Variants in NME7 observed in about 807,000 individuals in gnomAD.
NME7 encodes NME/NM23 family member 7.
In NME7, 41 loss-of-function variants were observed where a neutral mutation model predicts 49.1. The observed-to-expected ratio is 0.83, with a 90% confidence interval of 0.65 to 1.08. The LOEUF is 1.08. NME7 is among the 50% of genes least tolerant of loss of function. NME7 has a pLI of 0.00. For missense variants in NME7, 423 were observed against 463.4 expected (o/e 0.91, Z 0.80); for synonymous variants, 139 against 150.6 (o/e 0.92, Z 0.56).
intron 7 of NME7, among the ~76,000 whole-genome samples, chr1:169,279,175 G>C (rs2101885523): frequency 6.6e-6 from 1 of 152,300 alleles, no homozygotes; most frequent in East Asian, 1.9e-4. Flanking sequence ...CCCGTTCTCA[G>C]ATCTCCCCCT....
chr1:169,154,041 A>G (rs1658992375), intron 11 of NME7, among the ~76,000 whole-genome samples: 1 of 151,732 alleles, frequency 6.6e-6, no homozygotes. Flanking sequence ...TTGAAACAGA[A>G]TCTCACTCTG....
At chr1:169,299,807 A>G (rs1650869505) in intron 5 of NME7, among the ~76,000 whole-genome samples, 1 of 152,146 alleles carries the variant, frequency 6.6e-6, no homozygotes, top group African/African-American at 2.4e-5. Context: ...ACCTCCTCAT[A>G]CATTTTCTGC....
At chr1:169,217,429 T>C (rs191017818) in intron 10 of NME7, among the ~76,000 whole-genome samples, 10 of 152,350 alleles carry the variant, frequency 6.6e-5, no homozygotes, top group Admixed American at 6.5e-4. Flanking sequence ...ATAATTTTTG[T>C]ATTGATTATA....
chr1:169,326,610 C>T (rs564386220), intron 1 of NME7, among the ~76,000 whole-genome samples: 2 of 152,286 alleles, frequency 1.3e-5, no homozygotes, highest in South Asian at 2.1e-4. Context: ...CTTTTGGAAA[C>T]GAACTCCCAA....
At position 169,366,194 on chromosome 1, in the gene NME7, A is replaced by G. The variant is rs531463943; in HGVS notation, c.3+1514T>C. Among the ~76,000 whole-genome samples the G allele has an allele frequency of 3.9e-5, 6 of 152,366 alleles. No individual in the cohort carries two copies. The South Asian group carries it at 1.2e-3, about 32-fold the overall frequency. On this transcript the variant is annotated intron_variant, in intron 1 of 11. Transcript: ENST00000367811. Reference sequence around the variant, plus strand: ...AAAGAATGACATTCAAAAACCAGGCACAGCCAGTAAAAGGAATTAATGACT... The same window carrying G: ...AAAGAATGACATTCAAAAACCAGGCGCAGCCAGTAAAAGGAATTAATGACT...
intron 6 of NME7, among the ~76,000 whole-genome samples, chr1:169,297,098 G>A (rs1571365943): frequency 6.6e-6 from 1 of 151,818 alleles, no homozygotes; most frequent in South Asian, 2.1e-4. Context: ...CTTAGCCTCT[G>A]GAGTAGCTGG....
chr1:169,314,779 A>C (rs1355280471), intron 3 of NME7, among the ~76,000 whole-genome samples: 1 of 152,118 alleles, frequency 6.6e-6, no homozygotes, highest in Non-Finnish European at 1.5e-5. Flanking sequence ...GATATAAAAA[A>C]CAAACAAACA....
chr1:169,274,242 C>A (rs1434875315), intron 7 of NME7, among the ~76,000 whole-genome samples: 1 of 133,458 alleles, frequency 7.5e-6, no homozygotes, highest in African/African-American at 2.5e-5. Context: ...TTTCATGTGT[C>A]TTTTGGCTGC....
chr1:169,326,736 C>A (rs140646333), intron 1 of NME7, among the ~76,000 whole-genome samples: 198 of 152,228 alleles, frequency 1.3e-3, no homozygotes, highest in African/African-American at 4.5e-3. Context: ...GTGTTTACTT[C>A]CTAGAGTTAA....
At position 169,298,678 on chromosome 1, in the gene NME7, G is replaced by A; in HGVS notation, c.526C>T (p.Leu176=). The change falls in exon 6 of 12, where the codon CTG becomes TTG. Residue 176 remains leucine, a synonymous_variant. Coordinates refer to ENST00000367811, the MANE Select transcript of NME7 (RefSeq NM_013330.5). ...DDAICEWKRL[L]GPANSGVART... ...GCCACTCCAGAGTTTGCAGGTCCCA[G>A]CAGTCTTTTCCATTCACATATAGCA... The A allele has an allele frequency of 6.2e-7, 1 of 1,613,884 alleles. No individual in the cohort carries two copies. Among genetic ancestry groups the A allele is most frequent in the Non-Finnish European group, 8.5e-7 (1 of 1,179,902 alleles).
chr1:169,151,225 G>T (rs1306498773), intron 11 of NME7, among the ~76,000 whole-genome samples: 1 of 152,142 alleles, frequency 6.6e-6, no homozygotes, highest in Non-Finnish European at 1.5e-5. Flanking sequence ...TATGAGGTGT[G>T]GCTGTAGATC....
At position 169,348,973 on chromosome 1, in the gene NME7, T is replaced by C. The variant is rs1653052966; in HGVS notation, c.3+18735A>G. On this transcript the variant is annotated intron_variant, in intron 1 of 11. Transcript: ENST00000367811. The stretch of plus-strand genomic sequence containing the variant: ...AACATGAGGTTCTAGGCTAAATAGG[T>C]TCAAATTTGGGCCCTACCGCTTTCT... Among the ~76,000 whole-genome samples, 5 of 151,794 alleles carry C rather than the reference T, an allele frequency of 3.3e-5. No homozygotes were observed. In the South Asian group the frequency reaches 1.0e-3, roughly 32 times the overall value.
intron 7 of NME7, among the ~76,000 whole-genome samples, chr1:169,259,095 C>CATTGTAAAATATTGAATAA: frequency 7.5e-6 from 1 of 133,112 alleles, no homozygotes; most frequent in East Asian, 2.0e-4. Context: ...ATATTGAATA[C>CATTGTAAAATATTGAATAA]ATTTTACATT....
At chr1:169,196,707 C>T (rs914117372) in intron 10 of NME7, among the ~76,000 whole-genome samples, 2 of 152,094 alleles carry the variant, frequency 1.3e-5, no homozygotes, top group African/African-American at 4.8e-5. Context: ...ATTTGTAATA[C>T]TGCAGAGGCT....
At chr1:169,208,426 T>A (rs1660728776) in intron 10 of NME7, among the ~76,000 whole-genome samples, 1 of 152,150 alleles carries the variant, frequency 6.6e-6, no homozygotes, top group Non-Finnish European at 1.5e-5. Context: ...AGGCCAACTT[T>A]ACTGTGTATA....
intron 10 of NME7, among the ~76,000 whole-genome samples, chr1:169,182,339 T>G (rs1659953404): frequency 6.6e-6 from 1 of 152,144 alleles, no homozygotes; most frequent in African/African-American, 2.4e-5. Context: ...TATACTCAGC[T>G]TGCACAAAAC....
At chr1:169,186,308 T>C (rs1184370031) in intron 10 of NME7, among the ~76,000 whole-genome samples, 2 of 152,150 alleles carry the variant, frequency 1.3e-5, no homozygotes, top group Non-Finnish European at 2.9e-5. Context: ...CTCTAGACAC[T>C]ATTTTGCAAC....
chr1:169,254,452 C>CTT, intron 7 of NME7, among the ~76,000 whole-genome samples: 1 of 151,904 alleles, frequency 6.6e-6, no homozygotes, highest in South Asian at 2.1e-4. Flanking sequence ...ATTCTTCTCT[C>CTT]TTTTTTTCTT....
chr1:169,163,533 T>C (rs1052294096), intron 11 of NME7, among the ~76,000 whole-genome samples: 1 of 152,162 alleles, frequency 6.6e-6, no homozygotes, highest in African/African-American at 2.4e-5. Context: ...ATGCAATGCA[T>C]GGTCCTGACC....
Sources: gnomAD v4.1 joint callset for allele counts (sites outside exome capture counted in the v4.1 genomes callset) on GRCh38, gnomAD v4.1.1 for gene constraint, MANE v1.5 for transcripts, NCBI Gene and HGNC (gene_info 2026-07-23, HGNC 2026-07-21) for gene names.